Variants in BRCA2 observed in about 807,000 individuals in gnomAD.
The protein encoded by BRCA2 is breast cancer type 2 susceptibility protein.
BRCA2 carries 203 observed loss-of-function variants against 276.7 expected under a neutral mutation model. The observed-to-expected ratio is 0.73, with a 90% CI of 0.65 to 0.82. The LOEUF is 0.82. Among genes scored for constraint, BRCA2 ranks in the 40% least tolerant of loss-of-function variants. BRCA2 has a pLI of 0.00. For synonymous variants in BRCA2, 1,289 were observed against 1,338.4 expected (o/e 0.96, Z 0.81); for missense variants, 3,920 against 3,915.0 (o/e 1.00, Z -0.03).
At chr13:32,358,380 G>C (rs2072715741) in intron 16 of BRCA2, among the ~76,000 whole-genome samples, 1 of 151,726 alleles carries the variant, frequency 6.6e-6, no homozygotes, top group South Asian at 2.1e-4. Context: ...GGAGGCTGAG[G>C]CAGGAGAATC....
At chr13:32,382,670 GAGA>G (rs1054724849) in intron 24 of BRCA2, among the ~76,000 whole-genome samples, 5 of 152,216 alleles carry the variant, frequency 3.3e-5, no homozygotes, top group Admixed American at 3.3e-4. Flanking sequence ...TTTGCTTTAA[GAGA>G]AGAAGAGAAA....
chr13:32,356,513 A>G lies in BRCA2; in HGVS notation c.7521A>G (p.Pro2507=), dbSNP rs759383358. 7.4e-6 allele frequency: 12 copies of G among 1,614,130 alleles called. No individual in the cohort carries two copies. The East Asian group carries it at 2.4e-4, about 33-fold the overall frequency. ...AAAGGCAACGCGTCTTTCCACAGCC[A>G]GGCAGTCTGTATCTTGCAAAAACAT... The part of the protein sequence containing the change: ...KKQRQRVFPQ[P]GSLYLAKTST... Residue 2507 remains proline (P), a synonymous_variant, in exon 15 of 27, where the codon CCA becomes CCG. Coordinates refer to ENST00000380152, the MANE Select transcript of BRCA2 (RefSeq NM_000059.4).
chr13:32,387,084 C>T (rs1186273865), intron 24 of BRCA2, among the ~76,000 whole-genome samples: 1 of 152,088 alleles, frequency 6.6e-6, no homozygotes, highest in African/African-American at 2.4e-5. Context: ...TCCCAATGTA[C>T]ATGTCTGTGT....
At chr13:32,381,138 T>G (rs1352819296) in intron 24 of BRCA2, among the ~76,000 whole-genome samples, 2 of 152,182 alleles carry the variant, frequency 1.3e-5, no homozygotes, top group Non-Finnish European at 2.9e-5. Context: ...CATTTTATTG[T>G]TATTATAGAA....
rs768210077 is a variant in BRCA2 at position 32,398,238 on chromosome 13, C to T, written c.9725C>T (p.Thr3242Ile). Residue 3242 changes from threonine (T) to isoleucine (I), a missense_variant, in exon 27 of 27, where the codon ACA becomes ATA. Physicochemically the swap from Thr to Ile is moderately conservative, Grantham distance 89. Around this residue, in one of 2 missense-constraint regions of BRCA2, gnomAD observed 657 missense variants for 758.2 expected, o/e 0.87. Coordinates refer to ENST00000380152, the MANE Select transcript of BRCA2 (RefSeq NM_000059.4). ...ATGGCCAAAAGGAAGTCTGTTTCCA[C>T]ACCTGTCTCAGCCCAGATGACTTCA... ...LCMAKRKSVS[T>I]PVSAQMTSKS... 1 of 1,613,926 alleles carries T rather than the reference C, an allele frequency of 6.2e-7. No homozygotes were observed. The highest frequency in any genetic ancestry group is 8.5e-7 in the Non-Finnish European group (1 of 1,179,954).
rs71071031 is a variant in BRCA2, at chr13:32,368,001, C to CTTTTTTTTTTTTTTTT, written c.8332-2380_8332-2365dup. ...ATTAGGGTTGTCTTTTCTTCTAATT[C>CTTTTTTTTTTTTTTTT]TTTTTTTTTTTTTTTTTTTTTTTTT... On this transcript the variant is annotated intron_variant, in intron 18 of 26. Transcript: ENST00000380152. Among the ~76,000 whole-genome samples, 2 of 50,768 alleles carry CTTTTTTTTTTTTTTTT rather than the reference C, an allele frequency of 3.9e-5. 1 individual carries two copies. The highest frequency in any genetic ancestry group is 1.6e-4 in the African/African-American group (2 of 12,230). 33.3% of individuals were successfully genotyped at this position (50,768 alleles called of 152,430 possible).
chr13:32,325,990 A>T, intron 4 of BRCA2, 111 bp from the exon 5 acceptor site: 4 of 917,056 alleles, frequency 4.4e-6, no homozygotes, highest in Non-Finnish European at 6.8e-6. Context: ...AATATCTAAA[A>T]GTAGTATTCC....
chr13:32,351,783 C>CATTTT lies in BRCA2; in HGVS notation c.7008-3063_7008-3059dup, dbSNP rs202234683. ...TATCATTGAAATTATTTTAATGTTA[C>CATTTT]ATTTTATTTTATTTTATTTATTTAT... On this transcript the variant is annotated intron_variant, in intron 13 of 26. Transcript: ENST00000380152. Among the ~76,000 whole-genome samples, 277 of 151,802 alleles carry CATTTT rather than the reference C, an allele frequency of 1.8e-3. 1 individual carries two copies. Among genetic ancestry groups the CATTTT allele is most frequent in the Middle Eastern group, 0.014 (4 of 294 alleles).
At chr13:32,357,511 G>A (rs1297393615) in intron 15 of BRCA2, among the ~76,000 whole-genome samples, 1 of 152,178 alleles carries the variant, frequency 6.6e-6, no homozygotes, top group Non-Finnish European at 1.5e-5. Context: ...AGCAGGAGGC[G>A]TATAAACGGG....
chr13:32,386,290 C>A (rs2137637101), intron 24 of BRCA2, among the ~76,000 whole-genome samples: 1 of 152,230 alleles, frequency 6.6e-6, no homozygotes, highest in Admixed American at 6.5e-5. Flanking sequence ...CACCTGTAAT[C>A]CCAGCTACTC....
chr13:32,359,018 T>A (rs2072720715), intron 16 of BRCA2, among the ~76,000 whole-genome samples: 1 of 151,910 alleles, frequency 6.6e-6, no homozygotes, highest in South Asian at 2.1e-4. Context: ...GGTCAGGAAT[T>A]TGAAACCAGC....
rs886040660 is a variant in BRCA2 at position 32,340,857 on chromosome 13, G to A, written c.6502G>A (p.Gly2168Arg). 4 of 1,599,122 alleles carry A rather than the reference G, an allele frequency of 2.5e-6. No homozygotes were observed. The South Asian group carries it at 4.6e-5, about 18-fold the overall frequency. Residue 2168 changes from glycine to arginine, a missense_variant, in exon 11 of 27, where the codon GGA becomes AGA. Physicochemically the swap from Gly to Arg is moderately radical, Grantham distance 125. Around this residue, in one of 2 missense-constraint regions of BRCA2, gnomAD observed 3,263 missense variants for 3,156.9 expected, o/e 1.03. Transcript: ENST00000380152. ...FQQDKQQLVL[G>R]TKVSLVENIH... ...ACAAGACAAACAACAGTTGGTATTAGGAACCAAAGTGTCACTTGTTGAGAA... is the reference window on the plus strand; with the variant it reads ...ACAAGACAAACAACAGTTGGTATTAAGAACCAAAGTGTCACTTGTTGAGAA...
Position 32,338,773 on chromosome 13 carries a change from A to G in BRCA2, c.4418A>G (p.Asn1473Ser), listed in dbSNP as rs1222884804. 6.2e-7 allele frequency: 1 copy of G among 1,611,642 alleles called. No individual in the cohort carries two copies. Among genetic ancestry groups the G allele is most frequent in the Non-Finnish European group, 8.5e-7 (1 of 1,178,802 alleles). The stretch of plus-strand genomic sequence containing the variant: ...GAATTACATTCTGACATAAGAAAGA[A>G]CAAAATGGACATTCTAAGTTATGAG... Reference protein sequence around the residue: ...NSELHSDIRKNKMDILSYEET... With the variant: ...NSELHSDIRKSKMDILSYEET... The change falls in exon 11 of 27, where the codon AAC becomes AGC. Residue 1473 changes from asparagine to serine, a missense_variant. Physicochemically the swap from Asn to Ser is conservative, Grantham distance 46 (BLOSUM62 1). Around this residue, in one of 2 missense-constraint regions of BRCA2, gnomAD observed 3,263 missense variants for 3,156.9 expected, o/e 1.03. Coordinates refer to ENST00000380152, the MANE Select transcript of BRCA2 (RefSeq NM_000059.4).
chr13:32,379,721 T>G (rs1391011217), intron 22 of BRCA2, 29 bp from the exon 23 acceptor site: 2 of 1,597,212 alleles, frequency 1.3e-6, no homozygotes, highest in Admixed American at 3.3e-5. Context: ...ACTTCTTCCA[T>G]TGCATCTTTC....
rs186224762 is a variant in BRCA2, at chr13:32,363,306, G to C, written c.8104G>C (p.Glu2702Gln). 2 of 1,614,142 alleles carry C rather than the reference G, an allele frequency of 1.2e-6. No homozygotes were observed. Among genetic ancestry groups the C allele is most frequent in the Admixed American group, 3.3e-5 (2 of 60,008 alleles). The change falls in exon 18 of 27, where the codon GAA becomes CAA. Residue 2702 changes from glutamate (E) to glutamine (Q), a missense_variant. Around this residue, in one of 2 missense-constraint regions of BRCA2, gnomAD observed 3,263 missense variants for 3,156.9 expected, o/e 1.03. Coordinates refer to ENST00000380152, the MANE Select transcript of BRCA2 (RefSeq NM_000059.4). ...AATTTCATTGAGCGCAAATATATCTGAAACTTCTAGCAATAAAACTAGTAG... is the reference window on the plus strand; with the variant it reads ...AATTTCATTGAGCGCAAATATATCTCAAACTTCTAGCAATAAAACTAGTAG... ...DIISLSANIS[E>Q]TSSNKTSSAD...
intron 12 of BRCA2, among the ~76,000 whole-genome samples, chr13:32,346,551 A>G (rs2072611989): frequency 6.6e-6 from 1 of 152,124 alleles, no homozygotes; most frequent in Non-Finnish European, 1.5e-5. Context: ...TATTTGCATC[A>G]GAAATTAGCT....
rs761952204 is a variant in BRCA2, at chr13:32,370,453, T to G, written c.8383T>G (p.Phe2795Val). ...TCGCTGGTATACCAAACTTGGATTC[T>G]TTCCTGACCCTAGACCTTTTCCTCT... is the stretch of plus-strand genomic sequence containing the variant. ...PARWYTKLGF[F>V]PDPRPFPLPL... Residue 2795 changes from phenylalanine to valine, a missense_variant, in exon 19 of 27, where the codon TTT (phenylalanine) becomes GTT (valine). Physicochemically the swap from Phe to Val is conservative, Grantham distance 50 (BLOSUM62 -1). Transcript: ENST00000380152. 6.2e-7 allele frequency: 1 copy of G among 1,614,082 alleles called. No homozygotes were observed.
chr13:32,358,855 G>T lies in BRCA2; in HGVS notation c.7805+926G>T, dbSNP rs147710079. On this transcript the variant is annotated intron_variant, in intron 16 of 26. Coordinates refer to ENST00000380152, the MANE Select transcript of BRCA2 (RefSeq NM_000059.4). ...AGGCTGAGGCAGGAGAATCATTTGA[G>T]CCCAGTAGGTGGAGGTTGCAGTGAG... is the stretch of plus-strand genomic sequence containing the variant. Among the ~76,000 whole-genome samples the T allele has an allele frequency of 1.0e-3, 156 of 151,216 alleles. 1 individual carries two copies. In the East Asian group the frequency reaches 0.024, roughly 24 times the overall value.
chr13:32,350,105 G>A (rs2072637805), intron 13 of BRCA2, among the ~76,000 whole-genome samples: 1 of 152,116 alleles, frequency 6.6e-6, no homozygotes, highest in African/African-American at 2.4e-5. Flanking sequence ...TCAAGCTACT[G>A]TGTAGCTTGC....
Sources: allele counts gnomAD v4.1 joint callset (sites outside exome capture counted in the v4.1 genomes callset), GRCh38; gene constraint gnomAD v4.1.1; regional missense constraint gnomAD v4.1.1; transcripts MANE v1.5; gene names NCBI Gene and HGNC (gene_info 2026-07-23, HGNC 2026-07-21).